Variants in NCAM2 observed in about 807,000 individuals in gnomAD.
NCAM2 encodes the protein neural cell adhesion molecule 2, also known as N-CAM-2.
In NCAM2, 30 loss-of-function variants were observed where a neutral mutation model predicts 98.1. The observed-to-expected ratio is 0.31, with a 90% confidence interval of 0.23 to 0.41. The LOEUF is 0.41. Ranked by LOEUF, NCAM2 falls within the 10% of genes least tolerant of loss-of-function variation. The probability of loss-of-function intolerance (pLI) is 1.00; values close to 1 mark genes in which losing one functional copy is unlikely to be tolerated. For missense variants in NCAM2, 867 were observed against 1,005.8 expected, an observed-to-expected ratio of 0.86 and a Z score of 1.87; for synonymous variants, 368 against 342.4, an observed-to-expected ratio of 1.07 and a Z score of -0.83.
intron 1 of NCAM2, among the ~76,000 whole-genome samples, chr21:21,085,853 A>G (rs972945113): frequency 1.3e-5 from 2 of 152,206 alleles, no homozygotes; most frequent in Admixed American, 1.3e-4. Context: ...AATGTTACAT[A>G]AGTAGAGTCA....
At chr21:21,455,260 A>G (rs1346233702) in intron 12 of NCAM2, among the ~76,000 whole-genome samples, 6 of 151,262 alleles carry the variant, frequency 4.0e-5, no homozygotes, top group East Asian at 1.9e-4. Context: ...TGATGACTCA[A>G]TACAGCCAGG....
intron 15 of NCAM2, among the ~76,000 whole-genome samples, chr21:21,491,294 T>C (rs1206021069): frequency 6.6e-6 from 1 of 151,776 alleles, no homozygotes; most frequent in Non-Finnish European, 1.5e-5. Flanking sequence ...ATAAAACACA[T>C]GAACATAGTT....
At chr21:21,315,073 T>C (rs538946883) in intron 5 of NCAM2, among the ~76,000 whole-genome samples, 1 of 152,236 alleles carries the variant, frequency 6.6e-6, no homozygotes, top group South Asian at 2.1e-4. Context: ...CTCACTTTTT[T>C]TGTTGTTTTT....
At chr21:21,042,628 G>A (rs2064929459) in intron 1 of NCAM2, among the ~76,000 whole-genome samples, 1 of 152,012 alleles carries the variant, frequency 6.6e-6, no homozygotes, top group South Asian at 2.1e-4. Flanking sequence ...CTCTAAATGA[G>A]GAATGTTGCC....
intron 5 of NCAM2, 96 bp downstream of exon 5, chr21:21,292,337 CT>C: frequency 1.7e-6 from 2 of 1,186,854 alleles, no homozygotes; most frequent in Non-Finnish European, 2.4e-6. Context: ...CAAGTCTTAT[CT>C]AATAAACCTC....
chr21:21,510,321 C>T (rs966399807), intron 16 of NCAM2, among the ~76,000 whole-genome samples: 3 of 152,248 alleles, frequency 2.0e-5, no homozygotes, highest in Middle Eastern at 3.4e-3. Flanking sequence ...TGGAAGTTCT[C>T]TCATTTCCTT....
At chr21:21,254,638 G>A (rs767095019) in intron 1 of NCAM2, among the ~76,000 whole-genome samples, 15 of 152,144 alleles carry the variant, frequency 9.9e-5, no homozygotes, top group Non-Finnish European at 1.9e-4. Flanking sequence ...GCTGAAGTTG[G>A]CCCTATGATA....
At chr21:21,042,749 G>A (rs2064931331) in intron 1 of NCAM2, among the ~76,000 whole-genome samples, 1 of 152,108 alleles carries the variant, frequency 6.6e-6, no homozygotes, top group Admixed American at 6.6e-5. Flanking sequence ...TCTAAAATAA[G>A]GAAGAATTGG....
At position 21,509,381 on chromosome 21, in the gene NCAM2, C is replaced by G. The variant is rs906408895; in HGVS notation, c.2282+326C>G. ...TGTATTCCATTTTGATTTATTCCAC[C>G]GGTTTTGTTTATATTAAATAAAAGA... is the stretch of plus-strand genomic sequence containing the variant. On this transcript the variant is annotated intron_variant, in intron 16 of 17. Transcript: ENST00000400546. Among the ~76,000 whole-genome samples, 3 of 151,976 alleles carry G rather than the reference C, an allele frequency of 2.0e-5. No individual in the cohort carries two copies. The East Asian group carries it at 5.8e-4, about 29-fold the overall frequency.
chr21:21,493,399 C>A (rs1986984649), intron 15 of NCAM2, among the ~76,000 whole-genome samples: 1 of 151,750 alleles, frequency 6.6e-6, no homozygotes, highest in Non-Finnish European at 1.5e-5. Flanking sequence ...TTTAGTTTTT[C>A]AAATACTTTT....
intron 1 of NCAM2, among the ~76,000 whole-genome samples, chr21:21,267,810 G>A (rs1018088490): frequency 6.6e-6 from 1 of 152,138 alleles, no homozygotes; most frequent in Non-Finnish European, 1.5e-5. Context: ...ATATAATGGA[G>A]CTAGTATTGA....
chr21:21,524,162 T>C (rs763551970), intron 16 of NCAM2, among the ~76,000 whole-genome samples: 4 of 152,082 alleles, frequency 2.6e-5, no homozygotes, highest in Non-Finnish European at 5.9e-5. Context: ...TGATGCCAGA[T>C]GCAGTCAACT....
At chr21:21,220,205 A>G (rs899954735) in intron 1 of NCAM2, among the ~76,000 whole-genome samples, 3 of 152,164 alleles carry the variant, frequency 2.0e-5, no homozygotes. Context: ...AATGTTCTAG[A>G]CCTTCACGTG....
chr21:21,117,930 G>A (rs1292553715), intron 1 of NCAM2, among the ~76,000 whole-genome samples: 1 of 152,160 alleles, frequency 6.6e-6, no homozygotes. Context: ...GAACTAATAA[G>A]TGGATTTATT....
chr21:21,168,210 A>C (rs549002155), intron 1 of NCAM2, among the ~76,000 whole-genome samples: 51 of 152,210 alleles, frequency 3.4e-4, no homozygotes, highest in African/African-American at 1.1e-3. Flanking sequence ...AAAACACAGG[A>C]TCCTAGATAC....
chr21:21,108,267 A>C (rs1319834990), intron 1 of NCAM2, among the ~76,000 whole-genome samples: 1 of 152,030 alleles, frequency 6.6e-6, no homozygotes, highest in Non-Finnish European at 1.5e-5. Context: ...ACTGTGTGCC[A>C]GGCTTTAAGT....
At chr21:21,107,281 T>G (rs2066368038) in intron 1 of NCAM2, among the ~76,000 whole-genome samples, 1 of 152,104 alleles carries the variant, frequency 6.6e-6, no homozygotes, top group African/African-American at 2.4e-5. Context: ...TCAGAAAGAT[T>G]ACATGACCTG....
intron 2 of NCAM2, among the ~76,000 whole-genome samples, chr21:21,281,762 A>G (rs558007347): frequency 2.0e-5 from 3 of 151,924 alleles, no homozygotes; most frequent in Admixed American, 6.6e-5. Context: ...CACTAAATCA[A>G]CTTAAAACTG....
At chr21:21,074,343 G>C (rs1346491105) in intron 1 of NCAM2, among the ~76,000 whole-genome samples, 1 of 151,212 alleles carries the variant, frequency 6.6e-6, no homozygotes, top group African/African-American at 2.4e-5. Context: ...TTATTTATTA[G>C]CATTTATTAC....
Sources: allele counts gnomAD v4.1 joint callset (sites outside exome capture counted in the v4.1 genomes callset), GRCh38; gene constraint gnomAD v4.1.1; transcripts MANE v1.5; gene names NCBI Gene and HGNC (gene_info 2026-07-23, HGNC 2026-07-21).